The following PACS1 variants were observed in gnomAD, a reference collection of about 807,000 sequenced individuals.
PACS1 encodes PACS-1.
PACS1 carries 24 observed loss-of-function variants against 115.0 expected under a neutral mutation model. The observed-to-expected ratio is 0.21, with a 90% CI of 0.15 to 0.29. The LOEUF is 0.29. PACS1 is among the 10% of genes least tolerant of loss of function. PACS1 has a pLI of 1.00. For missense variants in PACS1, 838 were observed against 1,251.2 expected, an observed-to-expected ratio of 0.67 and a Z score of 4.98; for synonymous variants, 453 against 504.5, an observed-to-expected ratio of 0.90 and a Z score of 1.37.
chr11:66,170,254 C>T (rs1859704572), intron 1 of PACS1, among the ~76,000 whole-genome samples: 1 of 150,282 alleles, frequency 6.7e-6, no homozygotes, highest in Non-Finnish European at 1.5e-5. Flanking sequence ...TGCTTTTATC[C>T]TGCTTTCTTT....
intron 4 of PACS1, among the ~76,000 whole-genome samples, chr11:66,215,506 G>A (rs1478945966): frequency 2.6e-5 from 4 of 151,946 alleles, no homozygotes; most frequent in African/African-American, 7.3e-5. Flanking sequence ...AGGCTGAGGC[G>A]GGAGGATCAC....
chr11:66,150,530 C>T (rs1219067652), intron 1 of PACS1, among the ~76,000 whole-genome samples: 1 of 151,770 alleles, frequency 6.6e-6, no homozygotes, highest in African/African-American at 2.4e-5. Context: ...TTATCACATG[C>T]AACATTTGGA....
intron 1 of PACS1, among the ~76,000 whole-genome samples, chr11:66,072,105 T>G (rs927552178): frequency 4.6e-5 from 7 of 152,242 alleles, no homozygotes; most frequent in Non-Finnish European, 8.8e-5. Flanking sequence ...ATATATTTTA[T>G]AGTTCTGAAT....
At chr11:66,178,155 C>T (rs1859917192) in intron 1 of PACS1, among the ~76,000 whole-genome samples, 1 of 150,040 alleles carries the variant, frequency 6.7e-6, no homozygotes, top group Non-Finnish European at 1.5e-5. Context: ...ACCCAATAAC[C>T]TACCACCCAA....
intron 1 of PACS1, among the ~76,000 whole-genome samples, chr11:66,080,356 T>A (rs1343723744): frequency 6.6e-6 from 1 of 152,152 alleles, no homozygotes; most frequent in Non-Finnish European, 1.5e-5. Context: ...TATATTGTTA[T>A]ATCTGTGATA....
chr11:66,233,202 G>A lies in PACS1; in HGVS notation c.1838+136G>A. The A allele has an allele frequency of 1.6e-6, 1 of 642,546 alleles. No individual in the cohort carries two copies. Among genetic ancestry groups the A allele is most frequent in the Non-Finnish European group, 2.7e-6 (1 of 372,268 alleles). The allele number at this position is 642,546 out of a possible 1,614,324, so 39.8% of individuals were successfully genotyped here. A position where few individuals can be genotyped will look rare whatever the true frequency, so the allele number is the denominator to read the frequency against. Reference sequence around the variant, plus strand: ...TTTGCAGAGGGGCGTATGTTTAGGGGGGTGGCGGCAGCAGGCTGTAGGGCT... The same window carrying A: ...TTTGCAGAGGGGCGTATGTTTAGGGAGGTGGCGGCAGCAGGCTGTAGGGCT... On this transcript the variant is annotated intron_variant, in intron 15 of 23. Transcript: ENST00000320580. The surrounding 1 kb of genome is among the most constrained non-coding windows in gnomAD (Gnocchi z 4.5).
At chr11:66,232,911 A>T (rs748001868) in intron 14 of PACS1, 49 bp from the exon 15 acceptor site, 2 of 1,355,766 alleles carry the variant, frequency 1.5e-6, no homozygotes, top group South Asian at 1.2e-5. Flanking sequence ...CTTGTGAAGG[A>T]GTGATGTGTT....
At chr11:66,231,285 C>T (rs906449619) in intron 13 of PACS1, among the ~76,000 whole-genome samples, 2 of 152,244 alleles carry the variant, frequency 1.3e-5, no homozygotes, top group African/African-American at 2.4e-5. Flanking sequence ...TCCACTGTTG[C>T]AGAGGACAGC....
At chr11:66,190,586 C>T (rs1854494516) in intron 1 of PACS1, among the ~76,000 whole-genome samples, 2 of 152,140 alleles carry the variant, frequency 1.3e-5, no homozygotes, top group South Asian at 4.1e-4. Context: ...TGGGATCTTT[C>T]TATGTTGCCC....
At chr11:66,106,530 G>A (rs1371661327) in intron 1 of PACS1, among the ~76,000 whole-genome samples, 1 of 152,008 alleles carries the variant, frequency 6.6e-6, no homozygotes, top group Non-Finnish European at 1.5e-5. Context: ...TCGTGCCACT[G>A]CACTCCAGCC....
chr11:66,236,032 C>A lies in PACS1; in HGVS notation c.2250+92C>A. The A allele has an allele frequency of 8.3e-7, 1 of 1,203,084 alleles. No homozygotes were observed. The highest frequency in any genetic ancestry group is 1.2e-5 in the South Asian group (1 of 82,792). The allele number at this position is 1,203,084 out of a possible 1,614,324, so 74.5% of individuals were successfully genotyped here. ...AGGAAAACAAAAGATTCATCTAGAA[C>A]AGTGGTTCTCCAGACACTGGAGATT... On this transcript the variant is annotated intron_variant, in intron 19 of 23. Transcript: ENST00000320580. This position sits in a 1 kb window ranked among gnomAD's most constrained non-coding sequence, Gnocchi z 4.2.
intron 1 of PACS1, among the ~76,000 whole-genome samples, chr11:66,174,835 G>A (rs945692964): frequency 7.9e-5 from 12 of 152,112 alleles, no homozygotes; most frequent in African/African-American, 1.4e-4. Flanking sequence ...TTATTGAAGA[G>A]CATTGAATTG....
chr11:66,073,286 G>A (rs1296276150), intron 1 of PACS1, among the ~76,000 whole-genome samples: 1 of 152,190 alleles, frequency 6.6e-6, no homozygotes, highest in East Asian at 1.9e-4. Context: ...GGGTGTCCTT[G>A]TTCATGTTGT....
rs748152624 is a variant in PACS1 at position 66,070,599 on chromosome 11, AGCAGCAGCCGCC to A, written c.124_135del (p.Pro42_Pro45del). On this transcript the variant is annotated inframe_deletion, in exon 1 of 24. Coordinates refer to ENST00000320580, the MANE Select transcript of PACS1 (RefSeq NM_018026.4). This position sits in a 1 kb window ranked among gnomAD's most constrained non-coding sequence, Gnocchi z 5.9. ...CAGCAGCCGCCGCCGCAGCAGCAGC[AGCAGCAGCCGCC>A]GCAGCAGCCGACGCCCCCCAAGCTG... is the stretch of plus-strand genomic sequence containing the variant. The A allele has an allele frequency of 1.4e-5, 21 of 1,517,128 alleles. No individual in the cohort carries two copies. The African/African-American group carries it at 2.3e-4, about 17-fold the overall frequency. The allele number at this position is 1,517,128 out of a possible 1,614,324, so 94.0% of individuals were successfully genotyped here.
chr11:66,144,550 G>A (rs1279512262), intron 1 of PACS1, among the ~76,000 whole-genome samples: 1 of 152,182 alleles, frequency 6.6e-6, no homozygotes, highest in Non-Finnish European at 1.5e-5. Context: ...AGAGTTGTAC[G>A]GCAATCTTTT....
chr11:66,085,738 A>G (rs1857555330), intron 1 of PACS1, among the ~76,000 whole-genome samples: 1 of 152,236 alleles, frequency 6.6e-6, no homozygotes, highest in Non-Finnish European at 1.5e-5. Flanking sequence ...AAATTCCCAG[A>G]TAAAATCTAC....
In PACS1 at chr11:66,238,406, A is replaced by G. The variant is rs4930347; in HGVS notation, c.2251-398A>G. ...TGCAAAGTCTCGCATGCCCCATCTCATTGTTGCAACTAGGTTTTGTTGTTT... is the reference window on the plus strand; with the variant it reads ...TGCAAAGTCTCGCATGCCCCATCTCGTTGTTGCAACTAGGTTTTGTTGTTT... On this transcript the variant is annotated intron_variant, in intron 19 of 23. Transcript: ENST00000320580. 8.8e-6 allele frequency: 8 copies of G among 909,872 alleles called. No homozygotes were observed. The Admixed American group carries it at 2.7e-4, about 31-fold the overall frequency. 56.4% of individuals were successfully genotyped at this position (909,872 alleles called of 1,614,324 possible).
chr11:66,103,574 A>G (rs1400186267), intron 1 of PACS1, among the ~76,000 whole-genome samples: 1 of 137,392 alleles, frequency 7.3e-6, no homozygotes, highest in Non-Finnish European at 1.5e-5. Context: ...GCAGTGGCAC[A>G]ATCTCATCTC....
At chr11:66,194,901 AG>A (rs2134675903) in intron 2 of PACS1, among the ~76,000 whole-genome samples, 1 of 152,340 alleles carries the variant, frequency 6.6e-6, no homozygotes, top group East Asian at 1.9e-4. Flanking sequence ...TAAAGACGTT[AG>A]TCCCAAATAC....
Sources: allele counts gnomAD v4.1 joint callset (sites outside exome capture counted in the v4.1 genomes callset), GRCh38; gene constraint gnomAD v4.1.1; non-coding constraint Gnocchi (gnomAD v3.1); transcripts MANE v1.5; gene names NCBI Gene and HGNC (gene_info 2026-07-23, HGNC 2026-07-21).